The following EXD2 variants were observed in gnomAD, a reference collection of about 807,000 sequenced individuals.
EXD2 encodes exonuclease 3'-5' domain containing 2.
In EXD2, 40 loss-of-function variants were observed where a neutral mutation model predicts 62.5. The observed-to-expected ratio is 0.64, with a 90% confidence interval of 0.50 to 0.83. The LOEUF is 0.83. Ranked by LOEUF, EXD2 falls within the 40% of genes least tolerant of loss-of-function variation. The pLI, the probability that EXD2 is intolerant of heterozygous loss-of-function variation, is 0.00. For missense variants in EXD2, 671 were observed against 761.8 expected (o/e 0.88, Z 1.40); for synonymous variants, 239 against 291.9 (o/e 0.82, Z 1.85).
At chr14:69,238,168 G>C (rs1380207691) in intron 9 of EXD2, among the ~76,000 whole-genome samples, 1 of 152,200 alleles carries the variant, frequency 6.6e-6, no homozygotes, top group Non-Finnish European at 1.5e-5. Flanking sequence ...CCTTTTTAAA[G>C]ATCATACACT....
rs763872672 is a variant in EXD2, at chr14:69,209,640, A to C, written c.170A>C (p.Glu57Ala). ...GGCAGTAGAGAGCTGCCCCCTCCAG[A>C]AGATGATCAGCTGCACTCCAGTGCC... The part of the protein sequence containing the change: ...VLGSRELPPP[E>A]DDQLHSSAPR... Residue 57 changes from glutamate (E) to alanine (A), a missense_variant, in exon 3 of 10, where the codon GAA (glutamate) becomes GCA (alanine). By Grantham distance (107) the Glu-to-Ala change is moderately radical. Transcript: ENST00000685843. 6.4e-7 allele frequency: 1 copy of C among 1,550,528 alleles called. No individual in the cohort carries two copies. Among genetic ancestry groups the C allele is most frequent in the Non-Finnish European group, 8.7e-7 (1 of 1,146,982 alleles).
chr14:69,204,218 CA>C (rs1268203185), intron 2 of EXD2, among the ~76,000 whole-genome samples: 3 of 152,120 alleles, frequency 2.0e-5, no homozygotes, highest in African/African-American at 4.8e-5. Flanking sequence ...CAAATATGTA[CA>C]TATTCGTATA....
At chr14:69,222,470 A>T (rs180677039) in intron 3 of EXD2, among the ~76,000 whole-genome samples, 2 of 152,274 alleles carry the variant, frequency 1.3e-5, no homozygotes, top group Admixed American at 1.3e-4. Flanking sequence ...TCCAGTGGAC[A>T]CTTATTTGGA....
intron 1 of EXD2, among the ~76,000 whole-genome samples, chr14:69,198,261 G>A (rs2042275462): frequency 6.6e-6 from 1 of 152,168 alleles, no homozygotes. Context: ...TCTAAAAGTT[G>A]GTTGATGACT....
intron 1 of EXD2, among the ~76,000 whole-genome samples, chr14:69,198,185 T>G (rs1011668638): frequency 2.6e-5 from 4 of 152,230 alleles, no homozygotes; most frequent in African/African-American, 9.6e-5. Flanking sequence ...TTTTTCACAT[T>G]TTTATAATAG....
chr14:69,230,342 TC>T, intron 4 of EXD2, 129 bp from the exon 5 acceptor site: 1 of 582,366 alleles, frequency 1.7e-6, no homozygotes, highest in Non-Finnish European at 3.0e-6. Context: ...TAACAAATTA[TC>T]ATTTTCTTCG....
chr14:69,212,553 GT>G (rs1357938933), intron 3 of EXD2, among the ~76,000 whole-genome samples: 1 of 149,492 alleles, frequency 6.7e-6, no homozygotes. Flanking sequence ...GTGTCACTCT[GT>G]TTCCCAGGCT....
At chr14:69,223,821 G>A (rs2140287747) in intron 3 of EXD2, among the ~76,000 whole-genome samples, 1 of 152,288 alleles carries the variant, frequency 6.6e-6, no homozygotes, top group East Asian at 1.9e-4. Context: ...CCATCATCCT[G>A]TAGACCCAGT....
At position 69,219,394 on chromosome 14, in the gene EXD2, T is replaced by C. The variant is rs543488465; in HGVS notation, c.334-9422T>C. On this transcript the variant is annotated intron_variant, in intron 3 of 9. Transcript: ENST00000685843. Reference sequence around the variant, plus strand: ...CACATTTTCTTTATCCATTCTTCTGTTGATGAACACTTAGGTTGATTCTAT... The same window carrying C: ...CACATTTTCTTTATCCATTCTTCTGCTGATGAACACTTAGGTTGATTCTAT... Among the ~76,000 whole-genome samples, 4 of 152,350 alleles carry C rather than the reference T, an allele frequency of 2.6e-5. No homozygotes were observed. In the South Asian group the frequency reaches 8.3e-4, roughly 32 times the overall value.
At position 69,229,077 on chromosome 14, in the gene EXD2, G is replaced by A; in HGVS notation, c.590+5G>A. 1.2e-6 allele frequency: 2 copies of A among 1,613,072 alleles called. No individual in the cohort carries two copies. Among genetic ancestry groups the A allele is most frequent in the Non-Finnish European group, 1.7e-6 (2 of 1,179,084 alleles). On this transcript the variant is annotated splice_donor_5th_base_variant and intron_variant, in intron 4 of 9. Transcript: ENST00000685843. ...ATACCTAGCCATGCGGCAGAGGTGT[G>A]GTTTGTATGAATGCTGGGATTCCTA...
At position 69,236,015 on chromosome 14, in the gene EXD2, G is replaced by A. The variant is rs370128373; in HGVS notation, c.1050-31G>A. ...ACATTTTGACCCACAGTTAGCTTCC[G>A]GTTTGAGATTTCTCTTTCCTTTCCC... On this transcript the variant is annotated intron_variant, in intron 6 of 9. Coordinates refer to ENST00000685843, the MANE Select transcript of EXD2 (RefSeq NM_001193360.2). 2.5e-5 allele frequency: 39 copies of A among 1,553,744 alleles called. No homozygotes were observed. The African/African-American group carries it at 3.1e-4, about 12-fold the overall frequency.
At chr14:69,209,394 A>G in intron 2 of EXD2, 30 bp from the exon 3 acceptor site, 1 of 1,226,864 alleles carries the variant, frequency 8.2e-7, no homozygotes, top group Non-Finnish European at 1.1e-6. Context: ...TATTCTGTAT[A>G]TAAATATATT....
intron 2 of EXD2, among the ~76,000 whole-genome samples, chr14:69,206,024 T>C (rs975936772): frequency 3.3e-5 from 5 of 152,124 alleles, no homozygotes; most frequent in African/African-American, 7.2e-5. Context: ...GTTCTAGTGA[T>C]TCTCATGCCT....
At chr14:69,201,647 G>A (rs1353923850) in intron 1 of EXD2, among the ~76,000 whole-genome samples, 3 of 143,214 alleles carry the variant, frequency 2.1e-5, no homozygotes, top group Admixed American at 7.0e-5. Context: ...CTCAGACACC[G>A]TCTCTCTCAG....
At chr14:69,204,538 CAG>C (rs1183244547) in intron 2 of EXD2, among the ~76,000 whole-genome samples, 1 of 151,858 alleles carries the variant, frequency 6.6e-6, no homozygotes, top group East Asian at 1.9e-4. Flanking sequence ...GTCTGGGCAA[CAG>C]AGTGAAACTC....
In EXD2 at chr14:69,198,792, A is replaced by G. The variant is rs376999023; in HGVS notation, c.-131-5125A>G. 1.3e-3 allele frequency among the ~76,000 whole-genome samples: 194 copies of G among 152,364 alleles called. 1 individual carries two copies. Among genetic ancestry groups the G allele is most frequent in the African/African-American group, 4.4e-3 (185 of 41,590 alleles). ...ACGAACCTAGATGGAATAGCTGACT[A>G]CACACCTAGGCTGTATGGTATAGCT... On this transcript the variant is annotated intron_variant, in intron 1 of 9. Transcript: ENST00000685843.
At position 69,220,636 on chromosome 14, in the gene EXD2, C is replaced by T. The variant is rs1257222829; in HGVS notation, c.334-8180C>T. Among the ~76,000 whole-genome samples, 10 of 148,894 alleles carry T rather than the reference C, an allele frequency of 6.7e-5. No homozygotes were observed. The South Asian group carries it at 8.6e-4, about 13-fold the overall frequency. The stretch of plus-strand genomic sequence containing the variant: ...CGGTAATCCCAGCACTTTGGGAGGC[C>T]GAGGTGGGCGGATCATGAAGTCAGG... On this transcript the variant is annotated intron_variant, in intron 3 of 9. Coordinates refer to ENST00000685843, the MANE Select transcript of EXD2 (RefSeq NM_001193360.2).
intron 3 of EXD2, among the ~76,000 whole-genome samples, chr14:69,215,560 T>C (rs2042962594): frequency 1.3e-5 from 2 of 152,184 alleles, no homozygotes; most frequent in African/African-American, 2.4e-5. Flanking sequence ...TTCCATTGTT[T>C]CTAGCTGTTT....
intron 3 of EXD2, among the ~76,000 whole-genome samples, chr14:69,219,663 G>A (rs1405956472): frequency 6.6e-6 from 1 of 152,112 alleles, no homozygotes; most frequent in Admixed American, 6.5e-5. Flanking sequence ...TCTGGTACAT[G>A]GAAAAATGCA....
Sources: allele counts gnomAD v4.1 joint callset (sites outside exome capture counted in the v4.1 genomes callset), GRCh38; gene constraint gnomAD v4.1.1; transcripts MANE v1.5; gene names NCBI Gene and HGNC (gene_info 2026-07-23, HGNC 2026-07-21).